SCOC: variants seen among roughly 807,000 people sequenced by gnomAD.
SCOC encodes short coiled-coil protein.
SCOC carries 7 observed loss-of-function variants against 9.9 expected under a neutral mutation model. The ratio of observed to expected loss-of-function variants is 0.71; its 90% CI spans 0.40 to 1.33. SCOC has a LOEUF of 1.33. Among genes scored for constraint, SCOC ranks in the 40% most tolerant of loss-of-function variants. The pLI, the probability that SCOC is intolerant of heterozygous loss-of-function variation, is 0.01. For synonymous variants in SCOC, 19 were observed against 28.2 expected (o/e 0.67, Z 1.03); for missense variants, 66 against 89.7 (o/e 0.74, Z 1.07).
At chr4:140,374,327 T>A (rs981649637) in intron 1 of SCOC, 1 of 366,156 alleles carries the variant, frequency 2.7e-6, no homozygotes, top group African/African-American at 2.1e-5. Context: ...GCAGGGCTTC[T>A]GTTATACAGT....
rs538153277 is a variant in SCOC at position 140,297,245 on chromosome 4, G to A, written c.-19+39835G>A. Among the ~76,000 whole-genome samples, 5 of 141,976 alleles carry A rather than the reference G, an allele frequency of 3.5e-5. No homozygotes were observed. In the South Asian group the frequency reaches 1.2e-3, roughly 34 times the overall value. The allele number at this position is 141,976 out of a possible 152,430, so 93.1% of individuals were successfully genotyped here. A position where few individuals can be genotyped will look rare whatever the true frequency, so the allele number is the denominator to read the frequency against. On this transcript the variant is annotated intron_variant, in intron 1 of 4. Transcript: ENST00000394205. ...GGAGAGGCGCGGAGGGAAAATGCCG[G>A]AGAGGAGAGCATTCTGGTGACTGTG...
In SCOC at chr4:140,383,636, C is replaced by T. The variant is rs1010929968; in HGVS notation, c.*2532C>T. The stretch of plus-strand genomic sequence containing the variant: ...AAAGTTACTCCTTATCCATTTTCTT[C>T]CATGGCTACCTCAGAAGTAGAGATT... On this transcript the variant is annotated 3_prime_UTR_variant, in exon 4 of 4. Coordinates refer to ENST00000608372, the MANE Select transcript of SCOC (RefSeq NM_001153484.2). 1 of 152,122 alleles carries T rather than the reference C, an allele frequency of 6.6e-6. No homozygotes were observed. The highest frequency in any genetic ancestry group is 6.6e-5 in the Admixed American group (1 of 15,266). 9.4% of individuals were successfully genotyped at this position (152,122 alleles called of 1,614,324 possible).
intron 1 of SCOC, among the ~76,000 whole-genome samples, chr4:140,302,581 T>C (rs1731843251): frequency 1.3e-5 from 2 of 152,248 alleles, no homozygotes; most frequent in Non-Finnish European, 2.9e-5. Flanking sequence ...TAAGATGTAC[T>C]AGAAACAAGC....
At chr4:140,287,342 ACAT>A (rs985090094) in intron 1 of SCOC, among the ~76,000 whole-genome samples, 4 of 152,042 alleles carry the variant, frequency 2.6e-5, no homozygotes. Context: ...TACTAAACAC[ACAT>A]CATGTGCACA....
intron 2 of SCOC, among the ~76,000 whole-genome samples, chr4:140,355,226 TATATATA>T (rs1285761356): frequency 8.2e-6 from 1 of 122,124 alleles, no homozygotes; most frequent in Non-Finnish European, 1.7e-5. Flanking sequence ...TATATATATA[TATATATA>T]TATATATATA....
intron 1 of SCOC, among the ~76,000 whole-genome samples, chr4:140,316,057 C>T (rs1732309849): frequency 6.6e-6 from 1 of 152,054 alleles, no homozygotes; most frequent in Non-Finnish European, 1.5e-5. Flanking sequence ...TGTGCCATCC[C>T]CCAATGAGGC....
At chr4:140,355,397 TATC>T (rs1223132835) in intron 2 of SCOC, among the ~76,000 whole-genome samples, 1 of 152,014 alleles carries the variant, frequency 6.6e-6, no homozygotes, top group East Asian at 1.9e-4. Context: ...TCCACACAAA[TATC>T]ATGCTATTGA....
At chr4:140,340,783 C>CTTTTTTTTTT (rs36136647), upstream of SCOC, among the ~76,000 whole-genome samples, 65 of 40,448 alleles carry the variant, frequency 1.6e-3, 15 homozygotes, top group African/African-American at 5.4e-3. Context: ...TGCTGCCTAA[C>CTTTTTTTTTT]TTTTTTTTTT....
chr4:140,339,750 G>A (rs1484184111), upstream of SCOC, among the ~76,000 whole-genome samples: 2 of 152,168 alleles, frequency 1.3e-5, no homozygotes, highest in African/African-American at 2.4e-5. Context: ...ACCACAATGA[G>A]ATACCATCTC....
chr4:140,337,489 A>G (rs993233649), intron 1 of SCOC, among the ~76,000 whole-genome samples: 8 of 152,208 alleles, frequency 5.3e-5, no homozygotes, highest in African/African-American at 1.9e-4. Flanking sequence ...ATATAGCCCA[A>G]TGGACTAGAA....
At chr4:140,346,506 C>T (rs977695164) in intron 2 of SCOC, among the ~76,000 whole-genome samples, 13 of 152,008 alleles carry the variant, frequency 8.6e-5, no homozygotes, top group Admixed American at 5.9e-4. Flanking sequence ...CAGAGGAAGG[C>T]GAGAGAAAGG....
upstream of SCOC, among the ~76,000 whole-genome samples, chr4:140,370,694 G>C (rs1344797702): frequency 6.6e-6 from 1 of 152,048 alleles, no homozygotes; most frequent in Non-Finnish European, 1.5e-5. Context: ...GTAGCACTGT[G>C]GTTAGGATTT....
At chr4:140,338,642 CTA>C (rs1221657244), upstream of SCOC, among the ~76,000 whole-genome samples, 3 of 149,948 alleles carry the variant, frequency 2.0e-5, no homozygotes. Flanking sequence ...ACAAGCATTC[CTA>C]TACACCAATA....
At chr4:140,366,230 C>A in intron 2 of SCOC, 5 of 806,778 alleles carry the variant, frequency 6.2e-6, no homozygotes, top group Non-Finnish European at 7.9e-6. Context: ...CTTTTCTAAT[C>A]ACCTCTTTCT....
chr4:140,366,839 C>T (rs534238711), intron 2 of SCOC: 1 of 829,844 alleles, frequency 1.2e-6, no homozygotes, highest in South Asian at 1.3e-5. Flanking sequence ...CGGCCAACCT[C>T]CACGAAGCGC....
chr4:140,368,702 A>C (rs4956293), upstream of SCOC, among the ~76,000 whole-genome samples: 145,043 of 152,296 alleles, frequency 0.95, 69,110 homozygotes, highest in East Asian at 0.99. Context: ...TAGTAATCTA[A>C]GTTGCAGGAG....
chr4:140,291,326 A>G (rs1165320257), intron 1 of SCOC: 1 of 436,430 alleles, frequency 2.3e-6, no homozygotes, highest in Non-Finnish European at 4.7e-6. Context: ...TACTTTAGAG[A>G]TTATATCCTG....
rs1560723381 is a variant in SCOC, at chr4:140,366,178, T to C, written c.71-12943T>C. 1.8e-5 allele frequency: 6 copies of C among 325,616 alleles called. No homozygotes were observed. The Admixed American group carries it at 4.0e-4, about 22-fold the overall frequency. 20.2% of individuals were successfully genotyped at this position (325,616 alleles called of 1,614,324 possible). A position where few individuals can be genotyped will look rare whatever the true frequency, so the allele number is the denominator to read the frequency against. On this transcript the variant is annotated intron_variant, in intron 2 of 4. Transcript: ENST00000338517. ...GCAATCTTGGGTGCCTCCTTTTCTT[T>C]CTTTCTTTTTTTTTTTTTTTTCCCA...
chr4:140,354,855 T>G (rs1578848503), intron 2 of SCOC, among the ~76,000 whole-genome samples: 1 of 152,238 alleles, frequency 6.6e-6, no homozygotes, highest in Middle Eastern at 3.4e-3. Flanking sequence ...TTGGAAATCC[T>G]AGTTAACTAT....
Sources: allele counts gnomAD v4.1 joint callset (sites outside exome capture counted in the v4.1 genomes callset), GRCh38; gene constraint gnomAD v4.1.1; transcripts MANE v1.5; gene names NCBI Gene and HGNC (gene_info 2026-07-23, HGNC 2026-07-21).